The following ZNF536 variants were observed in gnomAD, a reference collection of about 807,000 sequenced individuals.
ZNF536 encodes zinc finger protein 536.
A neutral mutation model predicts 84.5 loss-of-function variants in ZNF536; 13 were observed. That is an observed-to-expected ratio of 0.15 (90% CI 0.10 to 0.24). The LOEUF (loss-of-function observed/expected upper bound fraction) is 0.24, where lower values mean the gene tolerates loss of function less well. Among genes scored for constraint, ZNF536 ranks in the 10% least tolerant of loss-of-function variants. The pLI is 1.00. For synonymous variants in ZNF536, 811 were observed against 742.5 expected, an observed-to-expected ratio of 1.09 and a Z score of -1.50; for missense variants, 1,536 against 1,747.5, an observed-to-expected ratio of 0.88 and a Z score of 2.16.
At chr19:30,363,054 A>G (rs954742743) in intron 3 of ZNF536, among the ~76,000 whole-genome samples, 8 of 150,570 alleles carry the variant, frequency 5.3e-5, no homozygotes, top group African/African-American at 2.0e-4. Flanking sequence ...GCGAGACTCC[A>G]TCTCAAAAAA....
chr19:30,653,681 G>A (rs1258929856), intron 1 of ZNF536, among the ~76,000 whole-genome samples: 2 of 146,652 alleles, frequency 1.4e-5, no homozygotes, highest in Non-Finnish European at 2.9e-5. Flanking sequence ...GAAGAGAGGT[G>A]GGAGCCGCTC....
At chr19:30,541,705 A>G (rs1251373134) in intron 3 of ZNF536, among the ~76,000 whole-genome samples, 4 of 152,250 alleles carry the variant, frequency 2.6e-5, no homozygotes, top group East Asian at 3.8e-4. Flanking sequence ...TGTGCTGTAT[A>G]CAGTAGGGCA....
At chr19:30,628,972 G>T (rs2048790413) in intron 1 of ZNF536, among the ~76,000 whole-genome samples, 1 of 152,184 alleles carries the variant, frequency 6.6e-6, no homozygotes, top group Non-Finnish European at 1.5e-5. Flanking sequence ...CAAAGTGCTG[G>T]AATTATAGGC....
At chr19:30,271,242 T>C (rs1257297869) in intron 1 of ZNF536, among the ~76,000 whole-genome samples, 1 of 151,276 alleles carries the variant, frequency 6.6e-6, no homozygotes, top group Non-Finnish European at 1.5e-5. Context: ...CACCCTGTAC[T>C]GAGCACTGCT....
chr19:30,403,645 G>T (rs780189025), intron 1 of ZNF536, among the ~76,000 whole-genome samples: 2 of 152,208 alleles, frequency 1.3e-5, no homozygotes, highest in Non-Finnish European at 2.9e-5. Context: ...CATACCTCCT[G>T]CAAACTTGCA....
intron 2 of ZNF536, among the ~76,000 whole-genome samples, chr19:30,483,412 C>T (rs981293368): frequency 6.6e-6 from 1 of 152,066 alleles, no homozygotes; most frequent in South Asian, 2.1e-4. Flanking sequence ...TCAGCAGGTC[C>T]CAAATGCCGA....
At chr19:30,368,917 C>G (rs1188200202), upstream of ZNF536, among the ~76,000 whole-genome samples, 1 of 152,218 alleles carries the variant, frequency 6.6e-6, no homozygotes, top group Non-Finnish European at 1.5e-5. Context: ...ATGTGGCTCT[C>G]AGGCCTCAGG....
At chr19:30,413,344 C>T (rs1046315062) in intron 1 of ZNF536, among the ~76,000 whole-genome samples, 2 of 152,124 alleles carry the variant, frequency 1.3e-5, no homozygotes, top group Non-Finnish European at 2.9e-5. Context: ...ACTTTCTATT[C>T]ATTACATTAA....
chr19:30,693,693 A>G (rs2051524035), intron 1 of ZNF536, among the ~76,000 whole-genome samples: 1 of 152,142 alleles, frequency 6.6e-6, no homozygotes, highest in African/African-American at 2.4e-5. Flanking sequence ...TGAAAAGTTT[A>G]TGCTTCCATC....
At chr19:30,663,355 A>C (rs2147610843) in intron 1 of ZNF536, among the ~76,000 whole-genome samples, 1 of 152,178 alleles carries the variant, frequency 6.6e-6, no homozygotes, top group Non-Finnish European at 1.5e-5. Flanking sequence ...AGTGGAGAAA[A>C]CCTTTGAAAC....
At chr19:30,603,270 G>T (rs901952348) in intron 1 of ZNF536, among the ~76,000 whole-genome samples, 1 of 152,218 alleles carries the variant, frequency 6.6e-6, no homozygotes, top group East Asian at 1.9e-4. Context: ...GAGACACATG[G>T]TGAGGAAAAC....
intron 1 of ZNF536, among the ~76,000 whole-genome samples, chr19:30,635,719 C>T (rs1398344988): frequency 1.3e-5 from 2 of 152,236 alleles, no homozygotes; most frequent in Non-Finnish European, 2.9e-5. Flanking sequence ...GGATGGCATC[C>T]GTTGGTGGCT....
At chr19:30,435,794 C>G (rs2051720003) in intron 1 of ZNF536, among the ~76,000 whole-genome samples, 1 of 152,122 alleles carries the variant, frequency 6.6e-6, no homozygotes. Context: ...GAGAAGATGA[C>G]AGGAGAACCC....
intron 1 of ZNF536, among the ~76,000 whole-genome samples, chr19:30,600,518 T>A (rs2047647538): frequency 6.6e-6 from 1 of 152,216 alleles, no homozygotes; most frequent in Non-Finnish European, 1.5e-5. Context: ...ATCTATATGG[T>A]TCCAGGGTTC....
At chr19:30,483,536 G>C (rs1158034576) in intron 2 of ZNF536, among the ~76,000 whole-genome samples, 1 of 142,962 alleles carries the variant, frequency 7.0e-6, no homozygotes, top group Non-Finnish European at 1.5e-5. Context: ...TGGTCCAGGC[G>C]GTTCCTTCTC....
At chr19:30,353,487 C>T (rs754518944) in intron 3 of ZNF536, among the ~76,000 whole-genome samples, 4 of 152,056 alleles carry the variant, frequency 2.6e-5, no homozygotes, top group South Asian at 2.1e-4. Context: ...AAAGGAACAG[C>T]GAACACCAGC....
chr19:30,466,504 C>T (rs887891386), intron 2 of ZNF536, among the ~76,000 whole-genome samples: 11 of 150,772 alleles, frequency 7.3e-5, no homozygotes, highest in Non-Finnish European at 1.6e-4. Flanking sequence ...GTTGAGGCTG[C>T]AGTGAGCTGA....
intron 1 of ZNF536, among the ~76,000 whole-genome samples, chr19:30,693,464 C>G (rs1009646186): frequency 2.6e-5 from 4 of 152,114 alleles, no homozygotes; most frequent in Non-Finnish European, 5.9e-5. Flanking sequence ...CATTCCTCAG[C>G]CATATTCTGG....
rs1433883039 is a variant in ZNF536, at chr19:30,314,535, C to A, written c.-120+30394C>A. 2.0e-5 allele frequency among the ~76,000 whole-genome samples: 3 copies of A among 152,138 alleles called. No homozygotes were observed. In the East Asian group the frequency reaches 5.8e-4, roughly 29 times the overall value. On this transcript the variant is annotated intron_variant, in intron 2 of 5. Coordinates refer to the ZNF536 transcript ENST00000585628. Reference sequence around the variant, plus strand: ...AGAGAAAAGAGCCACACCGTGTTCCCAGAGCCTTGTAGGCGCAGCACCAGC... The same window carrying A: ...AGAGAAAAGAGCCACACCGTGTTCCAAGAGCCTTGTAGGCGCAGCACCAGC...
Sources: allele counts gnomAD v4.1 joint callset (sites outside exome capture counted in the v4.1 genomes callset), GRCh38; gene constraint gnomAD v4.1.1; transcripts MANE v1.5; gene names NCBI Gene and HGNC (gene_info 2026-07-23, HGNC 2026-07-21).